Variants in EVC observed in about 807,000 individuals in gnomAD.
The protein encoded by EVC is evC complex member EVC.
Under a neutral mutation model 118.9 loss-of-function variants are expected in EVC, and 116 were observed. The ratio of observed to expected loss-of-function variants is 0.98; its 90% CI spans 0.84 to 1.14. The LOEUF is 1.14. EVC is among the 50% of genes most tolerant of loss of function. The pLI is 0.00. For missense variants in EVC, 1,401 were observed against 1,246.4 expected (o/e 1.12, Z -1.87); for synonymous variants, 619 against 534.7 (o/e 1.16, Z -2.18).
rs748523193 is a variant in EVC at position 5,729,369 on chromosome 4, C to T, written c.363C>T (p.Tyr121=). ...TCGCCCTGAAGGCCAAAGTCATCTA[C>T]CCCATCAATCAGAAGTTCCGGGTGA... ...TAFALKAKVI[Y]PINQKFRPLA... Residue 121 remains tyrosine, a synonymous_variant, in exon 3 of 21, where the codon TAC becomes TAT. Coordinates refer to ENST00000264956, the MANE Select transcript of EVC (RefSeq NM_153717.3). 6.2e-7 allele frequency: 1 copy of T among 1,614,080 alleles called. No homozygotes were observed. Among genetic ancestry groups the T allele is most frequent in the Non-Finnish European group, 8.5e-7 (1 of 1,180,012 alleles).
rs142548886 is a variant in EVC at position 5,737,695 on chromosome 4, T to C, written c.703-4021T>C. On this transcript the variant is annotated intron_variant, in intron 5 of 20. Transcript: ENST00000264956. The surrounding 1 kb of genome is among the most constrained non-coding windows in gnomAD (Gnocchi z 5.0). ...CACAACACAGCTGTTTATAGCATAG[T>C]TTAAGCCCACTATTGACACCTACTG... Among the ~76,000 whole-genome samples the C allele has an allele frequency of 1.6e-4, 25 of 152,216 alleles. No individual in the cohort carries two copies. The highest frequency in any genetic ancestry group is 6.0e-4 in the African/African-American group (25 of 41,570).
At chr4:5,774,897 G>A (rs1734491431) in intron 11 of EVC, among the ~76,000 whole-genome samples, 1 of 152,158 alleles carries the variant, frequency 6.6e-6, no homozygotes, top group African/African-American at 2.4e-5. Flanking sequence ...CAGCATTAGT[G>A]GGAAGTGATG....
At position 5,802,057 on chromosome 4, in the gene EVC, C is replaced by CGAG. The variant is rs1560434314; in HGVS notation, c.2416_2418dup (p.Glu806dup). 6.2e-7 allele frequency: 1 copy of CGAG among 1,614,178 alleles called. No individual in the cohort carries two copies. Among genetic ancestry groups the CGAG allele is most frequent in the South Asian group, 1.1e-5 (1 of 91,078 alleles). Reference sequence around the variant, plus strand: ...AAATCGGAAGGATCATGGAGGACCACGAGGAGAGAAAACTGCAGCACCTGA... The same window carrying CGAG: ...AAATCGGAAGGATCATGGAGGACCACGAGGAGGAGAGAAAACTGCAGCACCTGA... On this transcript the variant is annotated inframe_insertion, in exon 16 of 21. Coordinates refer to ENST00000264956, the MANE Select transcript of EVC (RefSeq NM_153717.3).
rs77552017 is a variant in EVC, at chr4:5,717,293, A to G, written c.175-1955A>G. 5.4e-3 allele frequency among the ~76,000 whole-genome samples: 819 copies of G among 152,254 alleles called. 7 individuals are homozygous for G. Among genetic ancestry groups the G allele is most frequent in the African/African-American group, 0.019 (779 of 41,550 alleles). On this transcript the variant is annotated intron_variant, in intron 1 of 20. Coordinates refer to ENST00000264956, the MANE Select transcript of EVC (RefSeq NM_153717.3). ...CCTGTCCTTATTTTATGAATGGAAT[A>G]CCTTCTCTGATCTCTCTGATAATAT... is the stretch of plus-strand genomic sequence containing the variant.
the EVC span, among the ~76,000 whole-genome samples, chr4:5,827,204 G>A: frequency 2.0e-5 from 3 of 152,212 alleles, no homozygotes; most frequent in Admixed American, 1.3e-4. Flanking sequence ...TTAACCGCAG[G>A]CCTCAGCTTC....
In EVC at chr4:5,789,198, A is replaced by AC. The variant is rs1424762481; in HGVS notation, c.1777-4405dup. 6.6e-6 allele frequency among the ~76,000 whole-genome samples: 1 copy of AC among 151,616 alleles called. No individual in the cohort carries two copies. The highest frequency in any genetic ancestry group is 1.5e-5 in the Non-Finnish European group (1 of 67,944). On this transcript the variant is annotated intron_variant, in intron 12 of 20. Coordinates refer to ENST00000264956, the MANE Select transcript of EVC (RefSeq NM_153717.3). The surrounding 1 kb of genome is among the most constrained non-coding windows in gnomAD (Gnocchi z 4.3). ...TCACATCGTGTTGCTTCTCTGCAGA[A>AC]CCCCCAATGGCTTCTCATTTCACAC... is the stretch of plus-strand genomic sequence containing the variant.
Position 5,754,123 on chromosome 4 carries a change from G to A in EVC, c.1464+190G>A, listed in dbSNP as rs962633742. On this transcript the variant is annotated intron_variant, in intron 10 of 20. Coordinates refer to ENST00000264956, the MANE Select transcript of EVC (RefSeq NM_153717.3). This position sits in a 1 kb window ranked among gnomAD's most constrained non-coding sequence, Gnocchi z 5.8. ...CTAGGGTCCTAGTGGACTGTAAGCT[G>A]GTGATAAGAGTTGTGCTGCCCTCAC... Among the ~76,000 whole-genome samples, 1 of 152,216 alleles carries A rather than the reference G, an allele frequency of 6.6e-6. No homozygotes were observed. The highest frequency in any genetic ancestry group is 2.4e-5 in the African/African-American group (1 of 41,460).
chr4:5,751,366 C>G (rs756744330), intron 8 of EVC, among the ~76,000 whole-genome samples: 8 of 152,194 alleles, frequency 5.3e-5, no homozygotes, highest in Non-Finnish European at 1.0e-4. Flanking sequence ...ATAAGCACAT[C>G]GATTGCACCA....
chr4:5,817,883 T>C (rs1361362459), downstream of EVC, among the ~76,000 whole-genome samples: 1 of 152,132 alleles, frequency 6.6e-6, no homozygotes, highest in Non-Finnish European at 1.5e-5. Context: ...TGAAAATGGT[T>C]TGGCTTTACG....
chr4:5,783,998 G>T (rs2152290793), intron 12 of EVC, among the ~76,000 whole-genome samples: 1 of 152,246 alleles, frequency 6.6e-6, no homozygotes. Flanking sequence ...ATTAAGAAGA[G>T]CAGCAAAGCT....
chr4:5,727,512 T>C lies in EVC; in HGVS notation c.301-1795T>C, dbSNP rs547151344. Reference sequence around the variant, plus strand: ...AGTAGGTTGGGAAAATGTTCTCCCATTTTGTAGGTTGCCTGTTCACTCTGA... The same window carrying C: ...AGTAGGTTGGGAAAATGTTCTCCCACTTTGTAGGTTGCCTGTTCACTCTGA... On this transcript the variant is annotated intron_variant, in intron 2 of 20. Transcript: ENST00000264956. 4.4e-3 allele frequency among the ~76,000 whole-genome samples: 672 copies of C among 152,260 alleles called. 5 individuals are homozygous for C. The highest frequency in any genetic ancestry group is 0.015 in the African/African-American group (642 of 41,532).
At position 5,756,489 on chromosome 4, in the gene EVC, T is replaced by G; in HGVS notation, c.1563+127T>G. On this transcript the variant is annotated intron_variant, in intron 11 of 20. Coordinates refer to ENST00000264956, the MANE Select transcript of EVC (RefSeq NM_153717.3). The surrounding 1 kb of genome is among the most constrained non-coding windows in gnomAD (Gnocchi z 4.2). Reference sequence around the variant, plus strand: ...CAACCCCGCACTCATTGGCCGGTGATCCACGCAGGCTGTGTCCCCTCCATG... The same window carrying G: ...CAACCCCGCACTCATTGGCCGGTGAGCCACGCAGGCTGTGTCCCCTCCATG... 1.3e-6 allele frequency: 1 copy of G among 770,060 alleles called. No individual in the cohort carries two copies. Among genetic ancestry groups the G allele is most frequent in the South Asian group, 1.5e-5 (1 of 67,590 alleles). 47.7% of individuals were successfully genotyped at this position (770,060 alleles called of 1,614,324 possible). A position where few individuals can be genotyped will look rare whatever the true frequency, so the allele number is the denominator to read the frequency against.
the EVC span, chr4:5,828,745 T>TAAC: frequency 6.6e-7 from 1 of 1,506,878 alleles, no homozygotes; most frequent in South Asian, 1.3e-5. Context: ...CGATTTTGCC[T>TAAC]AACATTATAT....
intron 6 of EVC, among the ~76,000 whole-genome samples, chr4:5,744,581 A>C (rs953965678): frequency 6.6e-6 from 1 of 152,168 alleles, no homozygotes; most frequent in Non-Finnish European, 1.5e-5. Flanking sequence ...TGTGGCTTAC[A>C]TGCACAGCTA....
At chr4:5,740,977 T>C (rs1011923649) in intron 5 of EVC, among the ~76,000 whole-genome samples, 2 of 152,220 alleles carry the variant, frequency 1.3e-5, no homozygotes, top group Admixed American at 1.3e-4. Context: ...GGATCACTCA[T>C]ACATTGCTGA....
chr4:5,821,959 T>G, the EVC span: 24 of 850,188 alleles, frequency 2.8e-5, no homozygotes. This position sits in a 1 kb window ranked among gnomAD's most constrained non-coding sequence, Gnocchi z 4.4. Context: ...CCACCTTCAT[T>G]CAGGGCTCAG....
rs994183523 is a variant in EVC at position 5,808,454 on chromosome 4, C to T, written c.2688+127C>T. The T allele has an allele frequency of 7.3e-5, 105 of 1,443,866 alleles. 1 individual carries two copies. Among genetic ancestry groups the T allele is most frequent in the Middle Eastern group, 4.0e-4 (2 of 5,046 alleles). The allele number at this position is 1,443,866 out of a possible 1,614,324, so 89.4% of individuals were successfully genotyped here. On this transcript the variant is annotated intron_variant, in intron 18 of 20. Coordinates refer to ENST00000264956, the MANE Select transcript of EVC (RefSeq NM_153717.3). ...TTCCCTGCCTGTGGCATCGTTGACC[C>T]GCTGAGTCTCACCTGCTGAGGGTGT...
chr4:5,759,383 G>C (rs923385927), intron 11 of EVC, among the ~76,000 whole-genome samples: 16 of 152,132 alleles, frequency 1.1e-4, no homozygotes, highest in African/African-American at 3.6e-4. Context: ...TGCCTTACGT[G>C]TGGGCTGTGG....
At chr4:5,817,048 G>A (rs1250327051), downstream of EVC, among the ~76,000 whole-genome samples, 3 of 152,232 alleles carry the variant, frequency 2.0e-5, no homozygotes, top group Admixed American at 2.0e-4. Flanking sequence ...CAGTGAGGCT[G>A]AGGCCCCAGC....
Sources: allele counts gnomAD v4.1 joint callset (sites outside exome capture counted in the v4.1 genomes callset), GRCh38; gene constraint gnomAD v4.1.1; non-coding constraint Gnocchi (gnomAD v3.1); transcripts MANE v1.5; gene names NCBI Gene and HGNC (gene_info 2026-07-23, HGNC 2026-07-21).